GRM7: variants seen among roughly 807,000 people sequenced by gnomAD.
GRM7 encodes glutamate metabotropic receptor 7, also known as metabotropic glutamate receptor 7.
Under a neutral mutation model 84.5 loss-of-function variants are expected in GRM7, and 35 were observed. That is an observed-to-expected ratio of 0.41 (90% confidence interval 0.32 to 0.55). GRM7 has a LOEUF of 0.55. Among genes scored for constraint, GRM7 ranks in the 20% least tolerant of loss-of-function variants. The probability of loss-of-function intolerance (pLI) is 0.19; values close to 1 mark genes in which losing one functional copy is unlikely to be tolerated. For synonymous variants in GRM7, 487 were observed against 455.1 expected, an observed-to-expected ratio of 1.07 and a Z score of -0.89; for missense variants, 1,003 against 1,194.6, an observed-to-expected ratio of 0.84 and a Z score of 2.36.
intron 4 of GRM7, among the ~76,000 whole-genome samples, chr3:7,357,753 C>T (rs376866279): frequency 2.0e-5 from 3 of 152,104 alleles, no homozygotes; most frequent in South Asian, 4.1e-4. Context: ...CACCATGTGT[C>T]ATAGCTTTTG....
rs760853335 is a variant in GRM7 at position 7,131,918 on chromosome 3, G to A, written c.520-14534G>A. ...ATTTTCTCCAGCTGTAAATCAGGTG[G>A]GACAATGGACTCTACCCTCAAGCTA... On this transcript the variant is annotated intron_variant, in intron 1 of 9. Transcript: ENST00000357716. 1.3e-3 allele frequency among the ~76,000 whole-genome samples: 193 copies of A among 152,070 alleles called. 2 individuals carry two copies. The highest frequency in any genetic ancestry group is 7.6e-4 in the Non-Finnish European group (52 of 68,016).
chr3:7,624,402 A>G (rs1361095652), intron 8 of GRM7, among the ~76,000 whole-genome samples: 1 of 152,182 alleles, frequency 6.6e-6, no homozygotes, highest in Non-Finnish European at 1.5e-5. Flanking sequence ...GAGAAACTCC[A>G]AAACTACAGG....
At chr3:6,947,721 T>A (rs1698142449) in intron 1 of GRM7, among the ~76,000 whole-genome samples, 1 of 152,184 alleles carries the variant, frequency 6.6e-6, no homozygotes, top group African/African-American at 2.4e-5. Flanking sequence ...AATTATTGCC[T>A]CAATTTCAGA....
Position 7,698,959 on chromosome 3 carries a change from G to A in GRM7, c.2698+18664G>A, listed in dbSNP as rs1387689803. On this transcript the variant is annotated intron_variant, in intron 9 of 9. Coordinates refer to ENST00000357716, the MANE Select transcript of GRM7 (RefSeq NM_000844.4). ...TTTACAACCAAGGAGTAGCAGAAAA[G>A]ATAATATGCAGAAACACTGGGGCGG... 7.9e-5 allele frequency among the ~76,000 whole-genome samples: 12 copies of A among 152,262 alleles called. No homozygotes were observed. The East Asian group carries it at 2.1e-3, about 27-fold the overall frequency.
At chr3:7,565,952 A>C (rs1181190286) in intron 7 of GRM7, among the ~76,000 whole-genome samples, 1 of 152,220 alleles carries the variant, frequency 6.6e-6, no homozygotes, top group African/African-American at 2.4e-5. Flanking sequence ...CCTGCATGAC[A>C]TAAACTGACA....
intron 7 of GRM7, among the ~76,000 whole-genome samples, chr3:7,494,818 A>G (rs1370238485): frequency 6.6e-6 from 1 of 152,148 alleles, no homozygotes; most frequent in Non-Finnish European, 1.5e-5. Flanking sequence ...ATTTCCCTTG[A>G]TGAAAGTCTG....
chr3:7,571,878 G>A (rs536773565), intron 7 of GRM7, among the ~76,000 whole-genome samples: 1 of 148,960 alleles, frequency 6.7e-6, no homozygotes, highest in South Asian at 2.1e-4. Flanking sequence ...AATCATGGCA[G>A]ACTGTGAAAT....
chr3:6,879,072 T>G (rs1433040648), intron 1 of GRM7, among the ~76,000 whole-genome samples: 2 of 152,214 alleles, frequency 1.3e-5, no homozygotes, highest in African/African-American at 4.8e-5. Context: ...AAAAACTAGC[T>G]AGATTTTTAT....
In GRM7 at chr3:7,038,828, A is replaced by G. The variant is rs572728455; in HGVS notation, c.520-107624A>G. On this transcript the variant is annotated intron_variant, in intron 1 of 9. Coordinates refer to ENST00000357716, the MANE Select transcript of GRM7 (RefSeq NM_000844.4). ...TTTTCAAGGGGCTTGTAAACAACTCATAAGTTAGTAAATAAAGCTTCCACC... is the reference window on the plus strand; with the variant it reads ...TTTTCAAGGGGCTTGTAAACAACTCGTAAGTTAGTAAATAAAGCTTCCACC... 9.2e-5 allele frequency among the ~76,000 whole-genome samples: 14 copies of G among 152,332 alleles called. No homozygotes were observed. The South Asian group carries it at 2.9e-3, about 32-fold the overall frequency.
intron 7 of GRM7, among the ~76,000 whole-genome samples, chr3:7,538,730 A>G (rs1198309686): frequency 6.6e-6 from 1 of 152,214 alleles, no homozygotes; most frequent in Non-Finnish European, 1.5e-5. Flanking sequence ...AGCATGTACA[A>G]CTAAACACAG....
At chr3:6,871,443 A>G (rs918687046) in intron 1 of GRM7, among the ~76,000 whole-genome samples, 26 of 152,222 alleles carry the variant, frequency 1.7e-4, no homozygotes, top group African/African-American at 4.6e-4. Context: ...GAAAAAAATA[A>G]GGGGCTTATC....
chr3:7,023,724 A>T (rs1338655774), intron 1 of GRM7, among the ~76,000 whole-genome samples: 1 of 152,152 alleles, frequency 6.6e-6, no homozygotes, highest in Non-Finnish European at 1.5e-5. Flanking sequence ...GTCATCACAC[A>T]GTGTTCTCCC....
chr3:7,159,325 CTCAAGA>C (rs1694550071), intron 2 of GRM7, among the ~76,000 whole-genome samples: 1 of 152,154 alleles, frequency 6.6e-6, no homozygotes. Context: ...TATTACCTGG[CTCAAGA>C]TCAATTTGCT....
intron 2 of GRM7, among the ~76,000 whole-genome samples, chr3:7,229,674 G>T (rs2124895016): frequency 7.5e-6 from 1 of 132,728 alleles, no homozygotes; most frequent in East Asian, 2.6e-4. Context: ...AGGAGAGACA[G>T]AAAACAAATG....
Position 6,885,072 on chromosome 3 carries a change from T to C in GRM7, c.519+23165T>C, listed in dbSNP as rs75104526. The stretch of plus-strand genomic sequence containing the variant: ...TCTTAGTATAATAAGTCTGAGCAGA[T>C]GAGAATTTAAGTGAAGGTTCTATAC... On this transcript the variant is annotated intron_variant, in intron 1 of 9. Coordinates refer to ENST00000357716, the MANE Select transcript of GRM7 (RefSeq NM_000844.4). Among the ~76,000 whole-genome samples, 1,441 of 152,244 alleles carry C rather than the reference T, an allele frequency of 9.5e-3. 20 individuals carry two copies. Among genetic ancestry groups the C allele is most frequent in the East Asian group, 0.052 (267 of 5,168 alleles).
At chr3:6,886,637 T>C (rs1695706730) in intron 1 of GRM7, among the ~76,000 whole-genome samples, 1 of 152,116 alleles carries the variant, frequency 6.6e-6, no homozygotes. Context: ...AAAAAAATAC[T>C]AATGAATTAT....
chr3:7,572,878 AT>A lies in GRM7; in HGVS notation c.1516-5543del, dbSNP rs1168349216. On this transcript the variant is annotated intron_variant, in intron 7 of 9. Transcript: ENST00000357716. ...TATATATATATATATATATATATAT[AT>A]AAATAATCTTTCTACCTATAATAAT... Among the ~76,000 whole-genome samples the A allele has an allele frequency of 1.4e-3, 142 of 102,402 alleles. 10 individuals carry two copies. The highest frequency in any genetic ancestry group is 2.3e-3 in the Non-Finnish European group (117 of 51,260). The allele number at this position is 102,402 out of a possible 152,430, so 67.2% of individuals were successfully genotyped here.
At chr3:7,683,261 T>C (rs1396623193) in intron 9 of GRM7, among the ~76,000 whole-genome samples, 2 of 152,180 alleles carry the variant, frequency 1.3e-5, no homozygotes, top group East Asian at 3.8e-4. Flanking sequence ...AGAGGCCTCA[T>C]TTGATTAATT....
intron 4 of GRM7, among the ~76,000 whole-genome samples, chr3:7,366,835 AG>A (rs1693912465): frequency 6.6e-6 from 1 of 151,780 alleles, no homozygotes; most frequent in African/African-American, 2.4e-5. Flanking sequence ...TATTATGAAA[AG>A]GCATGGGCCA....
Sources: gnomAD v4.1 joint callset for allele counts (sites outside exome capture counted in the v4.1 genomes callset) on GRCh38, gnomAD v4.1.1 for gene constraint, MANE v1.5 for transcripts, NCBI Gene and HGNC (gene_info 2026-07-23, HGNC 2026-07-21) for gene names.